Variants in WWOX observed in about 807,000 individuals in gnomAD.
The protein encoded by WWOX is WW domain-containing oxidoreductase.
Under a neutral mutation model 46.2 loss-of-function variants are expected in WWOX, and 69 were observed. The observed-to-expected ratio is 1.49, with a 90% CI of 1.23 to 1.82. The LOEUF is 1.82. WWOX is among the 40% of genes most tolerant of loss of function. The pLI is 0.00. For synonymous variants in WWOX, 359 were observed against 202.6 expected, an observed-to-expected ratio of 1.77 and a Z score of -6.56; for missense variants, 919 against 542.6, an observed-to-expected ratio of 1.69 and a Z score of -6.89.
chr16:78,751,924 C>T (rs1007873026), intron 8 of WWOX, among the ~76,000 whole-genome samples: 3 of 152,118 alleles, frequency 2.0e-5, no homozygotes, highest in Admixed American at 6.6e-5. Flanking sequence ...AAATGAATAA[C>T]CCAACTGTGT....
chr16:78,440,106 G>T (rs1014534387), intron 8 of WWOX, among the ~76,000 whole-genome samples: 2 of 151,862 alleles, frequency 1.3e-5, no homozygotes, highest in Non-Finnish European at 2.9e-5. Context: ...CTCTGATTTT[G>T]AGGAAAAAGG....
intron 8 of WWOX, among the ~76,000 whole-genome samples, chr16:79,076,227 T>G (rs1241189539): frequency 6.6e-6 from 1 of 152,230 alleles, no homozygotes; most frequent in Non-Finnish European, 1.5e-5. Context: ...GTGGGTTATG[T>G]GTGACCACAC....
chr16:79,206,831 C>T (rs976415037), intron 8 of WWOX: 1 of 151,052 alleles, frequency 6.6e-6, no homozygotes, highest in Non-Finnish European at 1.5e-5. Context: ...AGCCTCATTC[C>T]TGTATAGGCT....
intron 5 of WWOX, among the ~76,000 whole-genome samples, chr16:78,328,757 T>C (rs2080689712): frequency 6.6e-6 from 1 of 152,204 alleles, no homozygotes; most frequent in Admixed American, 6.5e-5. Flanking sequence ...CAAAATCATT[T>C]CCACACCCTC....
chr16:78,566,029 T>G (rs1230589647), intron 8 of WWOX, among the ~76,000 whole-genome samples: 1 of 151,930 alleles, frequency 6.6e-6, no homozygotes, highest in African/African-American at 2.4e-5. Context: ...CCTCACAGTC[T>G]AGAGGCTGGG....
chr16:78,361,680 C>T (rs567930439), intron 5 of WWOX, among the ~76,000 whole-genome samples: 174 of 152,202 alleles, frequency 1.1e-3, no homozygotes, highest in African/African-American at 3.9e-3. Context: ...GGTGCGATAT[C>T]GGCTCCCTGC....
At chr16:78,228,978 T>C (rs1217396793) in intron 5 of WWOX, among the ~76,000 whole-genome samples, 5 of 152,204 alleles carry the variant, frequency 3.3e-5, no homozygotes, top group African/African-American at 4.8e-5. Flanking sequence ...TACTTACTTC[T>C]ATTTTTGCAC....
chr16:78,686,043 G>C (rs551108991), intron 8 of WWOX, among the ~76,000 whole-genome samples: 2 of 152,292 alleles, frequency 1.3e-5, no homozygotes, highest in South Asian at 4.1e-4. Flanking sequence ...AAGAGAATGA[G>C]ATAAAAGGAA....
chr16:79,101,795 G>C (rs1311413373), intron 8 of WWOX: 1 of 150,198 alleles, frequency 6.7e-6, no homozygotes, highest in Non-Finnish European at 1.5e-5. Context: ...CTACTTTCCA[G>C]ATAGTTTTTT....
chr16:78,366,734 T>C (rs1220291021), intron 5 of WWOX, among the ~76,000 whole-genome samples: 3 of 152,298 alleles, frequency 2.0e-5, no homozygotes, highest in East Asian at 1.9e-4. Context: ...TCTGGCCCTT[T>C]AGAGAAAAGG....
chr16:79,065,357 G>T (rs1004521580), intron 8 of WWOX, among the ~76,000 whole-genome samples: 1 of 152,148 alleles, frequency 6.6e-6, no homozygotes, highest in Non-Finnish European at 1.5e-5. Context: ...AAATTTGGAG[G>T]CTAGTGTTCT....
At chr16:78,680,732 G>A (rs921758166) in intron 8 of WWOX, among the ~76,000 whole-genome samples, 2 of 152,146 alleles carry the variant, frequency 1.3e-5, no homozygotes, top group Non-Finnish European at 2.9e-5. Context: ...GAACGTTTCC[G>A]TGACAGTAGA....
At chr16:78,666,442 C>G (rs2047335016) in intron 8 of WWOX, among the ~76,000 whole-genome samples, 1 of 152,210 alleles carries the variant, frequency 6.6e-6, no homozygotes, top group Non-Finnish European at 1.5e-5. Context: ...CACGCCATTA[C>G]ATGCTTACAG....
chr16:78,915,787 C>T (rs180917608), intron 8 of WWOX, among the ~76,000 whole-genome samples: 3 of 152,270 alleles, frequency 2.0e-5, no homozygotes, highest in African/African-American at 7.2e-5. Context: ...AACTTGGTAT[C>T]GTTCACATGT....
chr16:78,456,222 T>G (rs948891891), intron 8 of WWOX, among the ~76,000 whole-genome samples: 2 of 152,084 alleles, frequency 1.3e-5, no homozygotes, highest in African/African-American at 4.8e-5. Context: ...ACACAGTAAG[T>G]TGGGAAGAGG....
intron 8 of WWOX, among the ~76,000 whole-genome samples, chr16:78,700,348 GAGAGAGAGAGA>G: frequency 7.8e-6 from 1 of 128,374 alleles, no homozygotes; most frequent in Non-Finnish European, 1.6e-5. Flanking sequence ...GAGAGAGAGA[GAGAGAGAGAGA>G]GACCATCTCT....
At chr16:79,074,229 A>T (rs937533641) in intron 8 of WWOX, among the ~76,000 whole-genome samples, 46 of 151,748 alleles carry the variant, frequency 3.0e-4, no homozygotes, top group South Asian at 1.9e-3. Context: ...CTGGATTTCT[A>T]TTTTTTTAAA....
Position 78,996,384 on chromosome 16 carries a change from C to A in WWOX, c.1057-215224C>A, listed in dbSNP as rs865813698. On this transcript the variant is annotated intron_variant, in intron 8 of 8. Transcript: ENST00000566780. ...GAGTGAATTCTGCACCCACCCCCGC[C>A]CCCCAGCTTCCCCACCTGTAAAATG... 161 of 787,384 alleles carry A rather than the reference C, an allele frequency of 2.0e-4. 2 individuals are homozygous for A. The highest frequency in any genetic ancestry group is 3.7e-4 in the South Asian group (6 of 16,028). The allele number at this position is 787,384 out of a possible 1,614,324, so 48.8% of individuals were successfully genotyped here. A position where few individuals can be genotyped will look rare whatever the true frequency, so the allele number is the denominator to read the frequency against.
intron 5 of WWOX, among the ~76,000 whole-genome samples, chr16:78,310,766 C>T (rs543170445): frequency 6.0e-4 from 92 of 152,330 alleles, no homozygotes; most frequent in Non-Finnish European, 1.0e-3. Flanking sequence ...TGCTTGCTCT[C>T]ACAGCTGTGT....
Sources: gnomAD v4.1 joint callset for allele counts (sites outside exome capture counted in the v4.1 genomes callset) on GRCh38, gnomAD v4.1.1 for gene constraint, MANE v1.5 for transcripts, NCBI Gene and HGNC (gene_info 2026-07-23, HGNC 2026-07-21) for gene names.